The following NCKAP1 variants were observed in gnomAD, a reference collection of about 807,000 sequenced individuals.
NCKAP1 encodes NCK associated protein 1.
A neutral mutation model predicts 151.2 loss-of-function variants in NCKAP1; 21 were observed. The observed-to-expected ratio is 0.14, with a 90% CI of 0.10 to 0.20. The LOEUF (loss-of-function observed/expected upper bound fraction) is 0.20. Among genes scored for constraint, NCKAP1 ranks in the 10% least tolerant of loss-of-function variants. The pLI is 1.00. For synonymous variants in NCKAP1, 484 were observed against 451.8 expected, an observed-to-expected ratio of 1.07 and a Z score of -0.90; for missense variants, 933 against 1,352.1, an observed-to-expected ratio of 0.69 and a Z score of 4.86.
intron 6 of NCKAP1, among the ~76,000 whole-genome samples, chr2:183,001,454 G>A (rs747352681): frequency 3.6e-4 from 55 of 152,024 alleles, no homozygotes; most frequent in South Asian, 2.5e-3. Flanking sequence ...CATAAAACCC[G>A]TCATTTTTTG....
At chr2:182,944,351 A>G (rs1697056559) in intron 23 of NCKAP1, among the ~76,000 whole-genome samples, 1 of 152,196 alleles carries the variant, frequency 6.6e-6, no homozygotes, top group Non-Finnish European at 1.5e-5. Context: ...ATTCTTGGCA[A>G]AATTCATATT....
intron 15 of NCKAP1, among the ~76,000 whole-genome samples, chr2:182,974,080 TA>T (rs1342386061): frequency 1.3e-5 from 2 of 152,122 alleles, no homozygotes; most frequent in East Asian, 3.9e-4. Flanking sequence ...TCCTACAGTC[TA>T]ATCTGTAGGC....
At chr2:182,951,127 G>C (rs1697206568) in intron 23 of NCKAP1, among the ~76,000 whole-genome samples, 1 of 151,792 alleles carries the variant, frequency 6.6e-6, no homozygotes, top group Non-Finnish European at 1.5e-5. Flanking sequence ...CACCACGCCT[G>C]GCTGAAAGCT....
chr2:182,934,619 G>A, intron 26 of NCKAP1, 133 bp downstream of exon 26: 1 of 570,482 alleles, frequency 1.8e-6, no homozygotes, highest in Non-Finnish European at 3.1e-6. Flanking sequence ...CAATTACAAA[G>A]GCAAGCATGC....
intron 23 of NCKAP1, among the ~76,000 whole-genome samples, chr2:182,944,608 C>T (rs1413403326): frequency 6.6e-6 from 1 of 152,160 alleles, no homozygotes; most frequent in Non-Finnish European, 1.5e-5. Flanking sequence ...GTCTGACACA[C>T]AATTTATTCA....
At chr2:183,028,497 G>C (rs1698941501) in intron 1 of NCKAP1, among the ~76,000 whole-genome samples, 1 of 152,158 alleles carries the variant, frequency 6.6e-6, no homozygotes, top group Middle Eastern at 3.4e-3. Context: ...AAATTACAGT[G>C]ATGTTAAAGG....
chr2:182,997,689 A>C, intron 6 of NCKAP1, among the ~76,000 whole-genome samples: 1 of 152,210 alleles, frequency 6.6e-6, no homozygotes, highest in East Asian at 1.9e-4. Context: ...GAGTAATCAA[A>C]TTGAATCAGT....
intron 17 of NCKAP1, among the ~76,000 whole-genome samples, chr2:182,964,320 G>C (rs1209431461): frequency 6.6e-6 from 1 of 152,018 alleles, no homozygotes; most frequent in Non-Finnish European, 1.5e-5. Flanking sequence ...TGCTTATTCA[G>C]TAATCCATAA....
chr2:182,976,919 T>C lies in NCKAP1; in HGVS notation c.1456A>G (p.Met486Val), dbSNP rs140100736. The C allele has an allele frequency of 8.3e-5, 129 of 1,547,058 alleles. No homozygotes were observed. Among genetic ancestry groups the C allele is most frequent in the Non-Finnish European group, 9.1e-5 (104 of 1,144,954 alleles). Residue 486 changes from methionine (M) to valine (V), a missense_variant, in exon 15 of 31, where the codon ATG (methionine) becomes GTG (valine). Met to Val is a conservative substitution (Grantham distance 21). Coordinates refer to ENST00000361354, the MANE Select transcript of NCKAP1 (RefSeq NM_013436.5). The part of the protein sequence containing the change: ...EDGEVFDFRG[M>V]RLDWFRLQAY... ...TGTAACCTAAACCAATCTAATCTCA[T>C]TCCTCTGAAATCAAATACTTCCCCA...
At chr2:183,014,015 C>T (rs1698636571) in intron 2 of NCKAP1, among the ~76,000 whole-genome samples, 1 of 152,156 alleles carries the variant, frequency 6.6e-6, no homozygotes, top group African/African-American at 2.4e-5. Flanking sequence ...TTACATCTGC[C>T]AGGCATTAGT....
intron 1 of NCKAP1, among the ~76,000 whole-genome samples, chr2:183,025,607 C>T (rs1698880271): frequency 6.6e-6 from 1 of 152,120 alleles, no homozygotes; most frequent in African/African-American, 2.4e-5. Flanking sequence ...GACATTACTA[C>T]TATGTAAATT....
At chr2:183,004,526 G>A (rs898995328) in intron 2 of NCKAP1, among the ~76,000 whole-genome samples, 1 of 148,094 alleles carries the variant, frequency 6.8e-6, no homozygotes, top group African/African-American at 2.5e-5. Flanking sequence ...ACAGCAGTCT[G>A]GAAGACCCTA....
intron 23 of NCKAP1, among the ~76,000 whole-genome samples, chr2:182,942,448 G>C (rs1224554013): frequency 6.6e-6 from 1 of 152,084 alleles, no homozygotes; most frequent in East Asian, 1.9e-4. Flanking sequence ...CTTAGACGCT[G>C]AACGGCATCA....
intron 9 of NCKAP1, among the ~76,000 whole-genome samples, 165 bp from the exon 10 acceptor site, chr2:182,986,392 T>C (rs1292125620): frequency 6.6e-6 from 1 of 152,014 alleles, no homozygotes; most frequent in African/African-American, 2.4e-5. Context: ...TCCTAGCACT[T>C]AGATGTCCAG....
At chr2:182,973,286 C>T (rs1697736794) in intron 15 of NCKAP1, among the ~76,000 whole-genome samples, 1 of 151,918 alleles carries the variant, frequency 6.6e-6, no homozygotes, top group South Asian at 2.1e-4. Flanking sequence ...AACTGCTTGA[C>T]AACAATGGGG....
chr2:182,962,382 G>A (rs561476562), intron 17 of NCKAP1, 104 bp from the exon 18 acceptor site: 26 of 1,099,274 alleles, frequency 2.4e-5, no homozygotes, highest in South Asian at 1.1e-4. Context: ...GGTACATTCC[G>A]CAATAGTGAG....
At chr2:182,957,381 G>A in intron 19 of NCKAP1, 76 bp downstream of exon 19, 3 of 1,437,524 alleles carry the variant, frequency 2.1e-6, no homozygotes, top group Admixed American at 2.2e-5. Context: ...CATTTCCTCA[G>A]TACTAATGTC....
In NCKAP1 at chr2:182,930,650, G is replaced by A. The variant is rs747664001; in HGVS notation, c.2953+45C>T. ...ATCATACCTATACCTATGCTGCCCTGGTAACTTTAACTAAGAGTATTAAAT... is the reference window on the plus strand; with the variant it reads ...ATCATACCTATACCTATGCTGCCCTAGTAACTTTAACTAAGAGTATTAAAT... On this transcript the variant is annotated intron_variant, in intron 27 of 30. Coordinates refer to ENST00000361354, the MANE Select transcript of NCKAP1 (RefSeq NM_013436.5). 2.8e-5 allele frequency: 41 copies of A among 1,459,674 alleles called. No individual in the cohort carries two copies. In the East Asian group the frequency reaches 9.3e-4, roughly 33 times the overall value. 90.4% of individuals were successfully genotyped at this position (1,459,674 alleles called of 1,614,324 possible).
intron 23 of NCKAP1, among the ~76,000 whole-genome samples, chr2:182,945,397 T>TA (rs1697082794): frequency 6.6e-6 from 1 of 151,334 alleles, no homozygotes; most frequent in South Asian, 2.1e-4. Flanking sequence ...CCCTGTCTCT[T>TA]AAAAAAGAAA....
Sources: gnomAD v4.1 joint callset for allele counts (sites outside exome capture counted in the v4.1 genomes callset) on GRCh38, gnomAD v4.1.1 for gene constraint, MANE v1.5 for transcripts, NCBI Gene and HGNC (gene_info 2026-07-23, HGNC 2026-07-21) for gene names.